The following MYO1B variants were observed in gnomAD, a reference collection of about 807,000 sequenced individuals.
MYO1B encodes the protein myosin IB, also known as unconventional myosin-Ib.
In MYO1B, 72 loss-of-function variants were observed where a neutral mutation model predicts 159.7. The observed-to-expected ratio is 0.45, with a 90% CI of 0.37 to 0.55. The LOEUF (loss-of-function observed/expected upper bound fraction) is 0.55, where lower values mean the gene tolerates loss of function less well. Among genes scored for constraint, MYO1B ranks in the 20% least tolerant of loss-of-function variants. The pLI is 0.00. For missense variants in MYO1B, 1,062 were observed against 1,364.8 expected, an observed-to-expected ratio of 0.78 and a Z score of 3.50; for synonymous variants, 468 against 473.8, an observed-to-expected ratio of 0.99 and a Z score of 0.16.
chr2:191,369,199 A>G (rs1694204289), intron 11 of MYO1B, among the ~76,000 whole-genome samples: 1 of 152,148 alleles, frequency 6.6e-6, no homozygotes, highest in Non-Finnish European at 1.5e-5. Context: ...TGACTATGTA[A>G]CATTACTCTC....
intron 7 of MYO1B, among the ~76,000 whole-genome samples, chr2:191,356,971 A>G (rs1693333788): frequency 6.6e-6 from 1 of 152,216 alleles, no homozygotes; most frequent in South Asian, 2.1e-4. Context: ...ATAGCCTTTC[A>G]GTCAAGCTTT....
Position 191,356,619 on chromosome 2 carries a change from G to A in MYO1B, c.563-4012G>A, listed in dbSNP as rs141638694. On this transcript the variant is annotated intron_variant, in intron 7 of 30. Coordinates refer to ENST00000392318, the MANE Select transcript of MYO1B (RefSeq NM_001130158.3). ...TATACAAATATTGAAGAAACCAGGTGCTGAAATAGATCTAAATTAACCTCA... is the reference window on the plus strand; with the variant it reads ...TATACAAATATTGAAGAAACCAGGTACTGAAATAGATCTAAATTAACCTCA... 2.0e-5 allele frequency among the ~76,000 whole-genome samples: 3 copies of A among 152,246 alleles called. No homozygotes were observed. In the East Asian group the frequency reaches 5.8e-4, roughly 29 times the overall value.
At chr2:191,388,109 C>T (rs566142650) in intron 17 of MYO1B, 20 of 152,006 alleles carry the variant, frequency 1.3e-4, no homozygotes, top group African/African-American at 4.8e-4. Context: ...CATGGCAAAA[C>T]CCTGTCTCTA....
At chr2:191,347,657 C>T (rs34102001) in intron 6 of MYO1B, among the ~76,000 whole-genome samples, 48,128 of 151,980 alleles carry the variant, frequency 0.32, 8,133 homozygotes, top group South Asian at 0.49. Flanking sequence ...TATTATAACA[C>T]GGGTATTAGG....
chr2:191,393,462 T>G (rs919920975), intron 20 of MYO1B, among the ~76,000 whole-genome samples: 1 of 152,162 alleles, frequency 6.6e-6, no homozygotes, highest in South Asian at 2.1e-4. Context: ...TCCAAGACAG[T>G]ATTAGAGCTC....
At chr2:191,279,724 C>T (rs1025445844) in intron 2 of MYO1B, among the ~76,000 whole-genome samples, 21 of 152,082 alleles carry the variant, frequency 1.4e-4, no homozygotes, top group African/African-American at 4.3e-4. Context: ...TCTTCTGCTT[C>T]ACTCTGTTTT....
intron 3 of MYO1B, among the ~76,000 whole-genome samples, chr2:191,318,319 A>T (rs904443870): frequency 1.3e-5 from 2 of 152,178 alleles, no homozygotes; most frequent in Non-Finnish European, 2.9e-5. Context: ...TGAGAAATCA[A>T]GCTTTTAGGA....
chr2:191,401,185 A>G (rs1296896892), intron 23 of MYO1B, among the ~76,000 whole-genome samples: 1 of 151,596 alleles, frequency 6.6e-6, no homozygotes, highest in African/African-American at 2.4e-5. Flanking sequence ...GGGGTTGCGC[A>G]TGTTGGGAAT....
chr2:191,322,953 C>G (rs182339067), intron 3 of MYO1B, among the ~76,000 whole-genome samples: 3 of 152,034 alleles, frequency 2.0e-5, no homozygotes, highest in African/African-American at 7.2e-5. Flanking sequence ...TAGCTTTTTT[C>G]GTGGTTATTT....
At chr2:191,375,437 A>G (rs1319539408) in intron 13 of MYO1B, among the ~76,000 whole-genome samples, 2 of 152,056 alleles carry the variant, frequency 1.3e-5, no homozygotes, top group Non-Finnish European at 2.9e-5. Context: ...AGTAGATTTA[A>G]AAACAAAAGA....
chr2:191,409,316 C>G, intron 26 of MYO1B, 138 bp downstream of exon 26: 2 of 983,460 alleles, frequency 2.0e-6, no homozygotes, highest in Non-Finnish European at 3.0e-6. Flanking sequence ...TGATTTTCCC[C>G]CATGCACCAT....
rs192707674 is a variant in MYO1B, at chr2:191,313,707, C to T, written c.252-16228C>T. Among the ~76,000 whole-genome samples the T allele has an allele frequency of 2.4e-3, 370 of 152,154 alleles. 1 individual carries two copies. The highest frequency in any genetic ancestry group is 8.4e-3 in the African/African-American group (348 of 41,508). On this transcript the variant is annotated intron_variant, in intron 3 of 30. Transcript: ENST00000392318. ...CAATTTTTTGTATTTTTAGTAGTGA[C>T]GGGGTTTCACCATTTTGGTCAGGCT...
chr2:191,386,143 G>A, intron 16 of MYO1B, 59 bp downstream of exon 16: 4 of 1,539,922 alleles, frequency 2.6e-6, no homozygotes, highest in East Asian at 2.3e-5. Flanking sequence ...CAAGGAGGCT[G>A]TACCTCAGAG....
rs1693863013 is a variant in MYO1B, at chr2:191,364,372, C to T, written c.1032+96C>T. On this transcript the variant is annotated intron_variant, in intron 11 of 30. Coordinates refer to ENST00000392318, the MANE Select transcript of MYO1B (RefSeq NM_001130158.3). ...AAGATTTTAGTTTACAGGCTGTTAC[C>T]TGAATCGTACTATGTTCTAGGCATT... The T allele has an allele frequency of 9.7e-6, 9 of 930,634 alleles. No individual in the cohort carries two copies. The South Asian group carries it at 1.0e-4, about 11-fold the overall frequency. The allele number at this position is 930,634 out of a possible 1,614,324, so 57.6% of individuals were successfully genotyped here.
At chr2:191,394,599 T>G (rs1695952392) in intron 20 of MYO1B, among the ~76,000 whole-genome samples, 1 of 152,142 alleles carries the variant, frequency 6.6e-6, no homozygotes, top group Non-Finnish European at 1.5e-5. Flanking sequence ...TATAGACTGT[T>G]GTAAGTGCTA....
intron 27 of MYO1B, among the ~76,000 whole-genome samples, chr2:191,413,810 A>G (rs144775498): frequency 2.0e-5 from 3 of 152,268 alleles, no homozygotes; most frequent in African/African-American, 4.8e-5. Context: ...TGATAAGATT[A>G]TTATCAAAGT....
chr2:191,385,526 TTTTAG>T (rs1695347954), intron 15 of MYO1B, among the ~76,000 whole-genome samples: 2 of 46,366 alleles, frequency 4.3e-5, no homozygotes, highest in Non-Finnish European at 6.3e-4. Flanking sequence ...TCATTTCTGC[TTTTAG>T]ATTTCTTTTT....
At chr2:191,301,189 G>A (rs1689307321) in intron 3 of MYO1B, among the ~76,000 whole-genome samples, 1 of 152,138 alleles carries the variant, frequency 6.6e-6, no homozygotes, top group South Asian at 2.1e-4. Flanking sequence ...TTTCTAGTTA[G>A]GTAAGTGATG....
chr2:191,337,193 A>C (rs1050560610), intron 4 of MYO1B, among the ~76,000 whole-genome samples: 1 of 152,162 alleles, frequency 6.6e-6, no homozygotes, highest in Non-Finnish European at 1.5e-5. Flanking sequence ...CATCATGACA[A>C]TTGTCTTTCC....
Sources: gnomAD v4.1 joint callset for allele counts (sites outside exome capture counted in the v4.1 genomes callset) on GRCh38, gnomAD v4.1.1 for gene constraint, MANE v1.5 for transcripts, NCBI Gene and HGNC (gene_info 2026-07-23, HGNC 2026-07-21) for gene names.